The following TAF15 variants were observed in gnomAD, a reference collection of about 807,000 sequenced individuals.
The protein encoded by TAF15 is TATA-box binding protein associated factor 15.
Under a neutral mutation model 102.5 loss-of-function variants are expected in TAF15, and 37 were observed. The ratio of observed to expected loss-of-function variants is 0.36; its 90% CI spans 0.28 to 0.47. The LOEUF (loss-of-function observed/expected upper bound fraction) is 0.47, where lower values mean the gene tolerates loss of function less well. TAF15 is among the 20% of genes least tolerant of loss of function. TAF15 has a pLI of 0.99. For missense variants in TAF15, 652 were observed against 760.7 expected (o/e 0.86, Z 1.68); for synonymous variants, 273 against 259.2 (o/e 1.05, Z -0.51).
rs1339842171 is a variant in TAF15 at position 35,820,427 on chromosome 17, T to C, written c.280T>C (p.Ser94Pro). 1 of 1,613,496 alleles carries C rather than the reference T, an allele frequency of 6.2e-7. No individual in the cohort carries two copies. Among genetic ancestry groups the C allele is most frequent in the Non-Finnish European group, 8.5e-7 (1 of 1,179,718 alleles). Residue 94 changes from serine to proline, a missense_variant, in exon 5 of 16, where the codon TCA becomes CCA. Transcript: ENST00000605844. ...CCAGGGACAGCAGCAAAACATGGAATCATCAGGAAGGTAAGGAAATAGTAA... is the reference window on the plus strand; with the variant it reads ...CCAGGGACAGCAGCAAAACATGGAACCATCAGGAAGGTAAGGAAATAGTAA... ...NNQGQQQNME[S>P]SGSQGGRAPS...
intron 7 of TAF15, among the ~76,000 whole-genome samples, chr17:35,826,850 G>T (rs778052107): frequency 6.6e-6 from 1 of 150,868 alleles, no homozygotes; most frequent in Non-Finnish European, 1.5e-5. Context: ...GAGCCACCAC[G>T]CCTGGCTGAA....
intron 1 of TAF15, among the ~76,000 whole-genome samples, chr17:35,812,567 A>G (rs912144124): frequency 2.7e-5 from 4 of 149,032 alleles, no homozygotes; most frequent in South Asian, 2.2e-4. Context: ...CCTGGGGAAC[A>G]AGAGAAACTC....
At chr17:35,819,678 GTATT>G (rs1457238128) in intron 2 of TAF15, among the ~76,000 whole-genome samples, 2 of 152,030 alleles carry the variant, frequency 1.3e-5, no homozygotes, top group Non-Finnish European at 2.9e-5. Context: ...TGTGCTTCAG[GTATT>G]TATTATAAGT....
rs1264487434 is a variant in TAF15 at position 35,826,790 on chromosome 17, TCTC to T, written c.605+2595_605+2597del. On this transcript the variant is annotated intron_variant, in intron 7 of 15. Coordinates refer to ENST00000605844, the MANE Select transcript of TAF15 (RefSeq NM_139215.3). ...ACCGTGTTAGCTAGGATGGTCTCGA[TCTC>T]CTGACCTCGTGATCTGCCCGCCTTG... Among the ~76,000 whole-genome samples, 6 of 150,452 alleles carry T rather than the reference TCTC, an allele frequency of 4.0e-5. No homozygotes were observed. In the South Asian group the frequency reaches 1.1e-3, roughly 27 times the overall value.
intron 10 of TAF15, among the ~76,000 whole-genome samples, chr17:35,836,858 G>A (rs4251767): frequency 0.98 from 149,580 of 151,984 alleles, 73,609 homozygotes; most frequent in East Asian, 1. Flanking sequence ...GCTCACTGCA[G>A]CCTCTGCCTT....
rs1157014378 is a variant in TAF15, at chr17:35,822,753, A to G, written c.404A>G (p.Tyr135Cys). The G allele has an allele frequency of 2.5e-6, 4 of 1,614,076 alleles. No individual in the cohort carries two copies. The highest frequency in any genetic ancestry group is 2.5e-6 in the Non-Finnish European group (3 of 1,180,044). ...HQGSYDEQSNYDQQHDSYSQN... is the reference protein window; with the variant it reads ...HQGSYDEQSNCDQQHDSYSQN... ...GGCTCATATGATGAGCAGTCAAATT[A>G]TGATCAGCAGCATGATTCCTATAGT... The change falls in exon 6 of 16, where the codon TAT becomes TGT. Residue 135 changes from tyrosine to cysteine, a missense_variant. This residue lies in a region of TAF15 where 243 missense variants were observed against 284.1 expected (regional missense o/e 0.86). Transcript: ENST00000605844.
At position 35,842,282 on chromosome 17, in the gene TAF15, T is replaced by TA. The variant is rs902691008; in HGVS notation, c.914-82dup. On this transcript the variant is annotated intron_variant, in intron 11 of 15. Coordinates refer to ENST00000605844, the MANE Select transcript of TAF15 (RefSeq NM_139215.3). ...GACATGTCAGTTACTCCTCTGAAACTAAAGATTTCCAAGACTTTTTCATTT... is the reference window on the plus strand; with the variant it reads ...GACATGTCAGTTACTCCTCTGAAACTAAAAGATTTCCAAGACTTTTTCATTT... The TA allele has an allele frequency of 3.9e-6, 4 of 1,038,810 alleles. No individual in the cohort carries two copies. The African/African-American group carries it at 6.3e-5, about 16-fold the overall frequency. 64.3% of individuals were successfully genotyped at this position (1,038,810 alleles called of 1,614,324 possible). A position where few individuals can be genotyped will look rare whatever the true frequency, so the allele number is the denominator to read the frequency against.
In TAF15 at chr17:35,820,186, C is replaced by T. The variant is rs141034613; in HGVS notation, c.122C>T (p.Thr41Met). Residue 41 changes from threonine (T) to methionine (M), a missense_variant, in exon 4 of 16, where the codon ACG becomes ATG. Transcript: ENST00000605844. ...CAGAGCTATTCTGGCTATGGGCAAACGACTGATTCCTCTTATGGACAGAAC... is the reference window on the plus strand; with the variant it reads ...CAGAGCTATTCTGGCTATGGGCAAATGACTGATTCCTCTTATGGACAGAAC... ...ASQSYSGYGQTTDSSYGQNYS... is the reference protein window; with the variant it reads ...ASQSYSGYGQMTDSSYGQNYS... 6.8e-6 allele frequency: 11 copies of T among 1,613,946 alleles called. No homozygotes were observed. The highest frequency in any genetic ancestry group is 2.7e-5 in the African/African-American group (2 of 74,922).
chr17:35,825,220 G>GTGC (rs1243863832), intron 7 of TAF15, among the ~76,000 whole-genome samples: 2 of 152,194 alleles, frequency 1.3e-5, no homozygotes, highest in Non-Finnish European at 2.9e-5. Flanking sequence ...TTAGTGTACA[G>GTGC]TGCTTTGATT....
chr17:35,841,446 C>T (rs1321233689), intron 11 of TAF15, among the ~76,000 whole-genome samples: 1 of 151,642 alleles, frequency 6.6e-6, no homozygotes, highest in Non-Finnish European at 1.5e-5. Flanking sequence ...TTTTTTTTCC[C>T]CATGGGAACA....
chr17:35,823,706 C>CA (rs57004932), intron 6 of TAF15: 7,557 of 159,690 alleles, frequency 0.047, 33 homozygotes, highest in Middle Eastern at 0.066. Flanking sequence ...CTCTTGTCTC[C>CA]AAAAAAAAAA....
At chr17:35,815,295 A>G (rs964252258) in intron 1 of TAF15, among the ~76,000 whole-genome samples, 2 of 152,256 alleles carry the variant, frequency 1.3e-5, no homozygotes, top group East Asian at 1.9e-4. Context: ...ACAATTGTCA[A>G]ATAATCACAA....
intron 11 of TAF15, among the ~76,000 whole-genome samples, chr17:35,841,540 GGACCA>G (rs2087545063): frequency 1.3e-5 from 2 of 151,486 alleles, no homozygotes; most frequent in South Asian, 4.2e-4. Flanking sequence ...CAAGTAGCTA[GGACCA>G]CAGGTGCCAC....
intron 7 of TAF15, among the ~76,000 whole-genome samples, chr17:35,830,501 G>A (rs577926457): frequency 6.6e-6 from 1 of 152,262 alleles, no homozygotes; most frequent in African/African-American, 2.4e-5. Flanking sequence ...ATTTGCCTTA[G>A]CATGTAGAAA....
chr17:35,834,511 A>T, intron 8 of TAF15, 55 bp from the exon 9 acceptor site: 2 of 1,561,056 alleles, frequency 1.3e-6, no homozygotes, highest in African/African-American at 1.4e-5. Context: ...TTTTTTTGTT[A>T]ATGATTTTAA....
intron 10 of TAF15, among the ~76,000 whole-genome samples, chr17:35,837,349 TC>T (rs1364747440): frequency 1.3e-5 from 2 of 150,810 alleles, no homozygotes; most frequent in Non-Finnish European, 3.0e-5. Context: ...AGATGGAGTC[TC>T]CCTATTATTG....
At chr17:35,833,862 T>C in intron 7 of TAF15, 45 bp from the exon 8 acceptor site, 2 of 1,605,038 alleles carry the variant, frequency 1.2e-6, no homozygotes, top group African/African-American at 1.4e-5. Flanking sequence ...CTCAGCACAT[T>C]AGAGACTTAA....
At chr17:35,834,725 TG>T in intron 9 of TAF15, 127 bp downstream of exon 9, 2 of 636,990 alleles carry the variant, frequency 3.1e-6, no homozygotes, top group Admixed American at 5.8e-5. Context: ...CTGCCAGAAC[TG>T]GGGAGCTTTA....
intron 12 of TAF15, 113 bp downstream of exon 12, chr17:35,842,572 T>C (rs765368288): frequency 2.6e-5 from 21 of 803,938 alleles, no homozygotes; most frequent in Non-Finnish European, 4.0e-5. Context: ...GCTAGGTCTT[T>C]TTCCCTCTAT....
Sources: gnomAD v4.1 joint callset for allele counts (sites outside exome capture counted in the v4.1 genomes callset) on GRCh38, gnomAD v4.1.1 for gene constraint, gnomAD v4.1.1 regional missense constraint, MANE v1.5 for transcripts, NCBI Gene and HGNC (gene_info 2026-07-23, HGNC 2026-07-21) for gene names.